ATP6V1C2: variants seen among roughly 807,000 people sequenced by gnomAD.
ATP6V1C2 encodes ATPase H+ transporting V1 subunit C2, also known as V-type proton ATPase subunit C 2.
In ATP6V1C2, 45 loss-of-function variants were observed where a neutral mutation model predicts 56.8. The ratio of observed to expected loss-of-function variants is 0.79; its 90% CI spans 0.62 to 1.02. ATP6V1C2 has a LOEUF of 1.02. Ranked by LOEUF, ATP6V1C2 falls within the 50% of genes least tolerant of loss-of-function variation. The pLI, the probability that ATP6V1C2 is intolerant of heterozygous loss-of-function variation, is 0.00. For missense variants in ATP6V1C2, 463 were observed against 519.7 expected, an observed-to-expected ratio of 0.89 and a Z score of 1.06; for synonymous variants, 220 against 201.3, an observed-to-expected ratio of 1.09 and a Z score of -0.79.
At position 10,751,475 on chromosome 2, in the gene ATP6V1C2, G is replaced by A. The variant is rs139378059; in HGVS notation, c.198-2506G>A. Among the ~76,000 whole-genome samples the A allele has an allele frequency of 3.4e-3, 517 of 152,256 alleles. 4 individuals carry two copies. Among genetic ancestry groups the A allele is most frequent in the African/African-American group, 0.012 (491 of 41,542 alleles). ...TACAGACAAAACTGAGATTAGTTAG[G>A]TAACTTACCTGAGGTTATAATCAGT... On this transcript the variant is annotated intron_variant, in intron 3 of 13. Transcript: ENST00000272238.
At chr2:10,748,955 C>T (rs192064540) in intron 3 of ATP6V1C2, among the ~76,000 whole-genome samples, 157 of 151,696 alleles carry the variant, frequency 1.0e-3, no homozygotes, top group Non-Finnish European at 1.6e-3. Context: ...ATGGTGACAC[C>T]CTGTCTCTAC....
At chr2:10,738,219 C>T (rs1411878866) in intron 3 of ATP6V1C2, among the ~76,000 whole-genome samples, 1 of 152,182 alleles carries the variant, frequency 6.6e-6, no homozygotes, top group Non-Finnish European at 1.5e-5. Context: ...TCCTGACTGC[C>T]TGGTCTGTCC....
Position 10,784,884 on chromosome 2 carries a change from G to T in ATP6V1C2, c.*1621G>T. On this transcript the variant is annotated 3_prime_UTR_variant, in exon 14 of 14. Coordinates refer to ENST00000272238, the MANE Select transcript of ATP6V1C2 (RefSeq NM_001039362.2). ...CAGGTGCAGAGATGCACAGGCTCAA[G>T]AGAGTAAACCAGGACTGCTGCCCGC... is the stretch of plus-strand genomic sequence containing the variant. 1 of 1,319,772 alleles carries T rather than the reference G, an allele frequency of 7.6e-7. No individual in the cohort carries two copies. Among genetic ancestry groups the T allele is most frequent in the Non-Finnish European group, 1.1e-6 (1 of 934,400 alleles). The allele number at this position is 1,319,772 out of a possible 1,614,324, so 81.8% of individuals were successfully genotyped here. A position where few individuals can be genotyped will look rare whatever the true frequency, so the allele number is the denominator to read the frequency against.
At chr2:10,731,134 A>ATCT (rs1661927802) in intron 3 of ATP6V1C2, among the ~76,000 whole-genome samples, 1 of 151,952 alleles carries the variant, frequency 6.6e-6, no homozygotes, top group Non-Finnish European at 1.5e-5. Context: ...TTTTTTGTAG[A>ATCT]GACAAGGTCT....
chr2:10,769,718 CAAAA>C (rs1165909126), intron 6 of ATP6V1C2, among the ~76,000 whole-genome samples: 1 of 149,872 alleles, frequency 6.7e-6, no homozygotes, highest in Non-Finnish European at 1.5e-5. Context: ...AACAAACAAA[CAAAA>C]AAAACAGGGA....
chr2:10,784,878 G>T lies in ATP6V1C2; in HGVS notation c.*1615G>T. On this transcript the variant is annotated 3_prime_UTR_variant, in exon 14 of 14. Transcript: ENST00000272238. ...TGACTCCAGGTGCAGAGATGCACAG[G>T]CTCAAGAGAGTAAACCAGGACTGCT... is the stretch of plus-strand genomic sequence containing the variant. 1.6e-6 allele frequency: 2 copies of T among 1,271,580 alleles called. No homozygotes were observed. Among genetic ancestry groups the T allele is most frequent in the Non-Finnish European group, 2.2e-6 (2 of 891,166 alleles). The allele number at this position is 1,271,580 out of a possible 1,614,324, so 78.8% of individuals were successfully genotyped here.
At position 10,764,401 on chromosome 2, in the gene ATP6V1C2, G is replaced by A. The variant is rs762009626; in HGVS notation, c.354G>A (p.Val118=). 2 of 1,614,110 alleles carry A rather than the reference G, an allele frequency of 1.2e-6. No homozygotes were observed. The highest frequency in any genetic ancestry group is 2.2e-5 in the East Asian group (1 of 44,878). Residue 118 remains valine, a synonymous_variant, in exon 5 of 14, where the codon GTG becomes GTA. Transcript: ENST00000272238. ...AATATCCTGTCAAGCAGCCGCTCGT[G>A]AGTGTGGTGGACACAATAGCCAAGG... ...MAKYPVKQPL[V]SVVDTIAKQL...
chr2:10,770,969 GGA>G (rs1382953439), intron 6 of ATP6V1C2, among the ~76,000 whole-genome samples: 1 of 152,236 alleles, frequency 6.6e-6, no homozygotes, highest in African/African-American at 2.4e-5. Flanking sequence ...GGTGAGCCAG[GGA>G]GAGAGGTGGG....
intron 2 of ATP6V1C2, among the ~76,000 whole-genome samples, chr2:10,725,948 G>A (rs1661616249): frequency 6.6e-6 from 1 of 151,890 alleles, no homozygotes; most frequent in Admixed American, 6.6e-5. Context: ...GCATGATGGT[G>A]CATACCTGTA....
chr2:10,726,623 A>G (rs1661655387), intron 3 of ATP6V1C2, 54 bp downstream of exon 3: 5 of 1,491,840 alleles, frequency 3.4e-6, no homozygotes, highest in Non-Finnish European at 4.7e-6. Flanking sequence ...TTGTTGTCAG[A>G]GGACACAGTG....
At chr2:10,737,278 A>C (rs1242985413) in intron 3 of ATP6V1C2, among the ~76,000 whole-genome samples, 3 of 145,674 alleles carry the variant, frequency 2.1e-5, no homozygotes, top group African/African-American at 5.1e-5. Flanking sequence ...AAAAAAAAAA[A>C]GATTAACCAG....
rs533383027 is a variant in ATP6V1C2 at position 10,738,677 on chromosome 2, C to G, written c.197+12108C>G. 2.0e-5 allele frequency among the ~76,000 whole-genome samples: 3 copies of G among 152,262 alleles called. No individual in the cohort carries two copies. In the East Asian group the frequency reaches 5.8e-4, roughly 29 times the overall value. On this transcript the variant is annotated intron_variant, in intron 3 of 13. Coordinates refer to ENST00000272238, the MANE Select transcript of ATP6V1C2 (RefSeq NM_001039362.2). ...AGCTTCAGGGGCAACCTCCCATGGT[C>G]CTTTTTGGATGTTCTTTTTGCATTA...
chr2:10,756,910 A>T (rs1336949773), intron 4 of ATP6V1C2, among the ~76,000 whole-genome samples: 3 of 151,100 alleles, frequency 2.0e-5, no homozygotes. Context: ...GCAACGCATG[A>T]CTGTTTACAC....
At chr2:10,760,910 G>A (rs1408823929) in intron 4 of ATP6V1C2, among the ~76,000 whole-genome samples, 2 of 152,196 alleles carry the variant, frequency 1.3e-5, no homozygotes, top group African/African-American at 4.8e-5. Flanking sequence ...GACAGTGCGA[G>A]CTGATACCAC....
chr2:10,721,286 CGGCCGCAGCGGGAGGGCGGGGT>C (rs1440055752), upstream of ATP6V1C2, among the ~76,000 whole-genome samples: 1 of 151,512 alleles, frequency 6.6e-6, no homozygotes, highest in Non-Finnish European at 1.5e-5. Context: ...GGGGCTGCGG[CGGCCGCAGCGGGAGGGCGGGGT>C]GGTCCCGAGC....
At chr2:10,771,120 C>T (rs377571423) in intron 6 of ATP6V1C2, among the ~76,000 whole-genome samples, 4 of 152,218 alleles carry the variant, frequency 2.6e-5, no homozygotes, top group South Asian at 2.1e-4. Flanking sequence ...AAAGAAGCCA[C>T]GCAGGCTCCC....
At chr2:10,773,527 C>T (rs903955164) in intron 8 of ATP6V1C2, among the ~76,000 whole-genome samples, 3 of 152,122 alleles carry the variant, frequency 2.0e-5, no homozygotes, top group Admixed American at 6.5e-5. Flanking sequence ...GGATTATAGG[C>T]GTGCACCAAC....
chr2:10,769,625 A>G (rs909178425), intron 6 of ATP6V1C2, among the ~76,000 whole-genome samples: 1 of 151,906 alleles, frequency 6.6e-6, no homozygotes, highest in Non-Finnish European at 1.5e-5. Flanking sequence ...GATCACTTGA[A>G]CCTGGCAGAC....
chr2:10,777,562 A>G, intron 10 of ATP6V1C2, 23 bp from the exon 11 acceptor site: 1 of 1,601,682 alleles, frequency 6.2e-7, no homozygotes, highest in Non-Finnish European at 8.5e-7. Flanking sequence ...TGAAAGATTA[A>G]TAAATCATTT....
Sources: gnomAD v4.1 joint callset for allele counts (sites outside exome capture counted in the v4.1 genomes callset) on GRCh38, gnomAD v4.1.1 for gene constraint, MANE v1.5 for transcripts, NCBI Gene and HGNC (gene_info 2026-07-23, HGNC 2026-07-21) for gene names.